SART1: variants seen among roughly 807,000 people sequenced by gnomAD.
SART1 encodes spliceosome associated factor 1, recruiter of U4/U6.U5 tri-snRNP.
In SART1, 28 loss-of-function variants were observed where a neutral mutation model predicts 105.0. That is an observed-to-expected ratio of 0.27 (90% CI 0.20 to 0.37). SART1 has a LOEUF of 0.37. Ranked by LOEUF, SART1 falls within the 10% of genes least tolerant of loss-of-function variation. SART1 has a pLI of 1.00. For synonymous variants in SART1, 472 were observed against 462.9 expected, an observed-to-expected ratio of 1.02 and a Z score of -0.25; for missense variants, 894 against 1,106.5, an observed-to-expected ratio of 0.81 and a Z score of 2.72.
intron 12 of SART1, 56 bp downstream of exon 12, chr11:65,967,877 A>C (rs1187266920): frequency 7.2e-7 from 1 of 1,393,056 alleles, no homozygotes; most frequent in Non-Finnish European, 9.5e-7. Flanking sequence ...CCTCACGAGC[A>C]CCTGTGTCAT....
At chr11:65,963,481 T>G (rs1025439073) in intron 1 of SART1, among the ~76,000 whole-genome samples, 8 of 150,290 alleles carry the variant, frequency 5.3e-5, no homozygotes, top group African/African-American at 1.7e-4. Flanking sequence ...GTTTTTTTTT[T>G]GTTTTGTTTT....
In SART1 at chr11:65,976,604, G is replaced by T. The variant is rs568066835; in HGVS notation, c.1746+36G>T. The T allele has an allele frequency of 1.9e-6, 3 of 1,613,464 alleles. No individual in the cohort carries two copies. Among genetic ancestry groups the T allele is most frequent in the Admixed American group, 1.7e-5 (1 of 59,994 alleles). ...GGCGGCCCCGCCCTCTGCTTCCCTC[G>T]GCTGGGTGGGCTGGCTGGGGCCTGG... On this transcript the variant is annotated intron_variant, in intron 13 of 19. Transcript: ENST00000312397. The surrounding 1 kb of genome is among the most constrained non-coding windows in gnomAD (Gnocchi z 5.1).
chr11:65,977,156 C>A, intron 15 of SART1, 55 bp downstream of exon 15: 1 of 1,330,706 alleles, frequency 7.5e-7, no homozygotes, highest in Non-Finnish European at 1.1e-6. Context: ...GCTGCAGGTG[C>A]AGGCAGGGCC....
At chr11:65,964,865 CT>C (rs1855215318) in intron 3 of SART1, among the ~76,000 whole-genome samples, 1 of 152,194 alleles carries the variant, frequency 6.6e-6, no homozygotes. Context: ...TCTTGTTTTT[CT>C]TTAAAGCACG....
rs754952771 is a variant in SART1, at chr11:65,979,081, C to G, written c.*51C>G. On this transcript the variant is annotated 3_prime_UTR_variant, in exon 20 of 20. Transcript: ENST00000312397. ...CTCAACCTTCATATTAAATAAAGCT[C>G]CCTCCTTATTTTTTCCTCCCTGGTC... 1 of 1,611,100 alleles carries G rather than the reference C, an allele frequency of 6.2e-7. No individual in the cohort carries two copies. Among genetic ancestry groups the G allele is most frequent in the African/African-American group, 1.3e-5 (1 of 74,858 alleles).
chr11:65,963,119 A>T (rs1377202902), intron 1 of SART1, among the ~76,000 whole-genome samples: 1 of 152,260 alleles, frequency 6.6e-6, no homozygotes, highest in South Asian at 2.1e-4. Flanking sequence ...AGACTGTGAC[A>T]TGAGAAGAGG....
chr11:65,966,477 C>T lies in SART1; in HGVS notation c.1109C>T (p.Ala370Val), dbSNP rs752920104. The change falls in exon 9 of 20, where the codon GCC becomes GTC. Residue 370 changes from alanine (A) to valine (V), a missense_variant. This residue lies in a region of SART1 where 712 missense variants were observed against 778.2 expected (regional missense o/e 0.91). Transcript: ENST00000312397. The part of the protein sequence containing the change: ...LRERELEEIR[A>V]KLRLQAQSLS... ...GAGCGGGAGCTGGAGGAGATCCGGG[C>T]CAAGCTGCGGCTGCAGGCTCAGTCC... The T allele has an allele frequency of 1.9e-6, 3 of 1,609,708 alleles. No homozygotes were observed. The highest frequency in any genetic ancestry group is 1.3e-5 in the African/African-American group (1 of 75,010).
chr11:65,977,077 G>T lies in SART1; in HGVS notation c.1921G>T (p.Ala641Ser). 2 of 1,613,832 alleles carry T rather than the reference G, an allele frequency of 1.2e-6. No homozygotes were observed. The highest frequency in any genetic ancestry group is 1.7e-6 in the Non-Finnish European group (2 of 1,179,864). ...EPIVNRGLAA[A>S]LLLCQNKGLL... The stretch of plus-strand genomic sequence containing the variant: ...GATCGTGAATAGGGGGCTGGCAGCT[G>T]CCCTGCTCCTGTGTCAGAACAAAGG... Residue 641 changes from alanine to serine, a missense_variant, in exon 15 of 20, where the codon GCC (alanine) becomes TCC (serine). By Grantham distance (99) the Ala-to-Ser change is moderately conservative (BLOSUM62 1). Coordinates refer to ENST00000312397, the MANE Select transcript of SART1 (RefSeq NM_005146.5).
At position 65,978,737 on chromosome 11, in the gene SART1, G is replaced by A. The variant is rs776673930; in HGVS notation, c.2262+48G>A. Reference sequence around the variant, plus strand: ...GGGGCCCTGTGCCTGCCGGGGCAGGGGTGGCTGGTGTGTGGGGCCTGCTGC... The same window carrying A: ...GGGGCCCTGTGCCTGCCGGGGCAGGAGTGGCTGGTGTGTGGGGCCTGCTGC... On this transcript the variant is annotated intron_variant, in intron 18 of 19. Coordinates refer to ENST00000312397, the MANE Select transcript of SART1 (RefSeq NM_005146.5). This position sits in a 1 kb window ranked among gnomAD's most constrained non-coding sequence, Gnocchi z 6.8. 1.2e-6 allele frequency: 2 copies of A among 1,613,598 alleles called. No individual in the cohort carries two copies. The highest frequency in any genetic ancestry group is 1.7e-6 in the Non-Finnish European group (2 of 1,179,786).
chr11:65,974,637 C>CCATT (rs1392733713), intron 12 of SART1, among the ~76,000 whole-genome samples: 1 of 151,898 alleles, frequency 6.6e-6, no homozygotes, highest in Non-Finnish European at 1.5e-5. Context: ...CTATATCGCC[C>CCATT]CATTGCACTC....
intron 12 of SART1, among the ~76,000 whole-genome samples, chr11:65,972,939 A>G (rs906313541): frequency 3.3e-5 from 5 of 152,238 alleles, no homozygotes; most frequent in Non-Finnish European, 5.9e-5. Context: ...TGGGAGGCCA[A>G]GGCGGGCGGA....
Position 65,977,556 on chromosome 11 carries a change from T to C in SART1, c.1946-7T>C, listed in dbSNP as rs770672660. The stretch of plus-strand genomic sequence containing the variant: ...GGTTGGGAGTCTCACAACCCCTCCA[T>C]CCCTAGGGCTGCTGGAGACCACAGT... On this transcript the variant is annotated splice_polypyrimidine_tract_variant and splice_region_variant and intron_variant, in intron 15 of 19. Coordinates refer to ENST00000312397, the MANE Select transcript of SART1 (RefSeq NM_005146.5). 3 of 1,613,006 alleles carry C rather than the reference T, an allele frequency of 1.9e-6. No homozygotes were observed. The highest frequency in any genetic ancestry group is 2.5e-6 in the Non-Finnish European group (3 of 1,179,116).
rs371186444 is a variant in SART1 at position 65,965,399 on chromosome 11, C to T, written c.612C>T (p.Ile204=). Residue 204 remains isoleucine, a synonymous_variant, in exon 5 of 20, where the codon ATC becomes ATT. Transcript: ENST00000312397. ...GGCTGGACGACACTGCAGCCTGGAT[C>T]GAGAGGAGCCGGCAGCTGCAGAAGG... ...DPWLDDTAAW[I]ERSRQLQKEK... 30 of 1,575,254 alleles carry T rather than the reference C, an allele frequency of 1.9e-5. No homozygotes were observed. Among genetic ancestry groups the T allele is most frequent in the Middle Eastern group, 3.3e-4 (2 of 6,020 alleles).
At chr11:65,964,369 C>A in intron 2 of SART1, 146 bp from the exon 3 acceptor site, 1 of 988,886 alleles carries the variant, frequency 1.0e-6, no homozygotes, top group Non-Finnish European at 1.6e-6. Context: ...GAGGCCAGGG[C>A]CCTTCCCAGT....
chr11:65,976,197 A>G lies in SART1; in HGVS notation c.1573-198A>G, dbSNP rs1231074460. ...ATTCATTCAAAGGGCATCCAAACCC[A>G]TTGATGGGTTTGGAGCAGAAGAGTG... is the stretch of plus-strand genomic sequence containing the variant. On this transcript the variant is annotated intron_variant, in intron 12 of 19. Coordinates refer to ENST00000312397, the MANE Select transcript of SART1 (RefSeq NM_005146.5). This position sits in a 1 kb window ranked among gnomAD's most constrained non-coding sequence, Gnocchi z 5.1. Among the ~76,000 whole-genome samples the G allele has an allele frequency of 6.6e-6, 1 of 152,094 alleles. No homozygotes were observed. Among genetic ancestry groups the G allele is most frequent in the Non-Finnish European group, 1.5e-5 (1 of 68,016 alleles).
At chr11:65,969,617 GT>G (rs1340726167) in intron 12 of SART1, among the ~76,000 whole-genome samples, 1 of 152,176 alleles carries the variant, frequency 6.6e-6, no homozygotes, top group Non-Finnish European at 1.5e-5. Context: ...GTCTCAGTGT[GT>G]TGCCCGGGCT....
intron 12 of SART1, among the ~76,000 whole-genome samples, chr11:65,973,825 GCA>G (rs1855429942): frequency 2.6e-5 from 4 of 152,296 alleles, no homozygotes; most frequent in Admixed American, 2.6e-4. Flanking sequence ...ACTCTCAGGG[GCA>G]CAGATTTTTT....
At chr11:65,975,277 G>GT (rs1164353881) in intron 12 of SART1, among the ~76,000 whole-genome samples, 2 of 151,542 alleles carry the variant, frequency 1.3e-5, no homozygotes, top group Non-Finnish European at 2.9e-5. Context: ...TGATCTTTGT[G>GT]TTTTTTGTAG....
rs774106761 is a variant in SART1 at position 65,978,958 on chromosome 11, G to T, written c.2384+44G>T. ...GTGGGGTAGGGTGTGGTGGGGAGGG[G>T]TGGCGTGGCCTGTGCCCGCCTCTGC... On this transcript the variant is annotated intron_variant, in intron 19 of 19. Transcript: ENST00000312397. The surrounding 1 kb of genome is among the most constrained non-coding windows in gnomAD (Gnocchi z 6.8). 3.1e-5 allele frequency: 50 copies of T among 1,613,600 alleles called. No homozygotes were observed. The East Asian group carries it at 1.1e-3, about 35-fold the overall frequency.
Sources: gnomAD v4.1 joint callset for allele counts (sites outside exome capture counted in the v4.1 genomes callset) on GRCh38, gnomAD v4.1.1 for gene constraint, gnomAD v4.1.1 regional missense constraint, Gnocchi (gnomAD v3.1) non-coding constraint, MANE v1.5 for transcripts, NCBI Gene and HGNC (gene_info 2026-07-23, HGNC 2026-07-21) for gene names.